SLC12A7: variants seen among roughly 807,000 people sequenced by gnomAD.
SLC12A7 encodes K-Cl cotransporter 4.
A neutral mutation model predicts 120.6 loss-of-function variants in SLC12A7; 100 were observed. The ratio of observed to expected loss-of-function variants is 0.83; its 90% CI spans 0.71 to 0.98. The LOEUF (loss-of-function observed/expected upper bound fraction) is 0.98, where lower values mean the gene tolerates loss of function less well. Among genes scored for constraint, SLC12A7 ranks in the 50% least tolerant of loss-of-function variants. The probability of loss-of-function intolerance (pLI) is 0.00; values close to 1 mark genes in which losing one functional copy is unlikely to be tolerated. For missense variants in SLC12A7, 1,373 were observed against 1,548.1 expected (o/e 0.89, Z 1.90); for synonymous variants, 760 against 678.0 (o/e 1.12, Z -1.88).
chr5:1,109,518 C>T (rs1022825902), intron 1 of SLC12A7, among the ~76,000 whole-genome samples: 2 of 152,222 alleles, frequency 1.3e-5, no homozygotes, highest in African/African-American at 4.8e-5. Context: ...ATCCCCGGGA[C>T]AGGACGCCTC....
the SLC12A7 span, among the ~76,000 whole-genome samples, chr5:1,152,126 C>T: frequency 5.9e-5 from 9 of 152,174 alleles, no homozygotes; most frequent in Non-Finnish European, 8.8e-5. Flanking sequence ...CTCCCCTCCC[C>T]TCTCCTTTGC....
chr5:1,108,876 C>T (rs1232324944), intron 1 of SLC12A7, among the ~76,000 whole-genome samples: 13 of 152,174 alleles, frequency 8.5e-5, no homozygotes, highest in African/African-American at 1.2e-4. Flanking sequence ...ACCACGCAAC[C>T]GGGCCTCTGT....
Position 1,065,376 on chromosome 5 carries a change from C to G in SLC12A7, c.2344G>C (p.Gly782Arg). The part of the protein sequence containing the change: ...DGMSHLIQSA[G>R]LGGLKHNTVL... ...GTGTTGTGCTTCAGGCCGCCCAGGC[C>G]GGCCGACTGGATCAGGTGGGACATG... Residue 782 changes from glycine to arginine, a missense_variant, in exon 18 of 24, where the codon GGC becomes CGC. Gly to Arg is a moderately radical substitution (Grantham distance 125, BLOSUM62 -2). Transcript: ENST00000264930. The G allele has an allele frequency of 1.2e-6, 2 of 1,612,546 alleles. No individual in the cohort carries two copies. The highest frequency in any genetic ancestry group is 1.7e-6 in the Non-Finnish European group (2 of 1,179,588).
At chr5:1,087,828 C>T (rs187149651) in intron 5 of SLC12A7, among the ~76,000 whole-genome samples, 26 of 152,348 alleles carry the variant, frequency 1.7e-4, no homozygotes, top group Non-Finnish European at 2.4e-4. Context: ...TCTCAGTTTA[C>T]TAGTTATTAC....
At chr5:1,110,796 A>G (rs1742938955) in intron 1 of SLC12A7, among the ~76,000 whole-genome samples, 1 of 152,190 alleles carries the variant, frequency 6.6e-6, no homozygotes, top group African/African-American at 2.4e-5. Flanking sequence ...GTGCAGAGGA[A>G]GCTGAGACCA....
Position 1,081,762 on chromosome 5 carries a change from T to C in SLC12A7, c.1130-18A>G. On this transcript the variant is annotated intron_variant, in intron 8 of 23. Coordinates refer to ENST00000264930, the MANE Select transcript of SLC12A7 (RefSeq NM_006598.3). Reference sequence around the variant, plus strand: ...CAGGTTCTCTGCCGGGCAAGGAAGATCCCATGGGTTTCTGGCACCTTCTGT... The same window carrying C: ...CAGGTTCTCTGCCGGGCAAGGAAGACCCCATGGGTTTCTGGCACCTTCTGT... 1 of 1,603,826 alleles carries C rather than the reference T, an allele frequency of 6.2e-7. No individual in the cohort carries two copies. Among genetic ancestry groups the C allele is most frequent in the Non-Finnish European group, 8.5e-7 (1 of 1,173,092 alleles).
chr5:1,148,353 C>T, the SLC12A7 span, among the ~76,000 whole-genome samples: 1 of 151,476 alleles, frequency 6.6e-6, no homozygotes, highest in Non-Finnish European at 1.5e-5. Context: ...ACTACAGGCG[C>T]CCACCACCAC....
rs1216939319 is a variant in SLC12A7 at position 1,076,150 on chromosome 5, T to C, written c.1835A>G (p.Lys612Arg). The stretch of plus-strand genomic sequence containing the variant: ...TGAGTGGCCTCACCAGTGGTAGAAC[T>C]TGAAGCGTGGACGCCAGTTGGGGGT... ...LRTPNWRPRF[K>R]FYHWTLSFLG... The change falls in exon 14 of 24, where the codon AAG becomes AGG. Residue 612 changes from lysine to arginine, a missense_variant. Transcript: ENST00000264930. The C allele has an allele frequency of 1.9e-6, 3 of 1,611,106 alleles. No homozygotes were observed. The highest frequency in any genetic ancestry group is 1.7e-6 in the Non-Finnish European group (2 of 1,179,088).
chr5:1,129,514 C>T, the SLC12A7 span, among the ~76,000 whole-genome samples: 1 of 152,154 alleles, frequency 6.6e-6, no homozygotes, highest in Non-Finnish European at 1.5e-5. Context: ...TCCTGTGACG[C>T]CCAGGACCAG....
At chr5:1,105,959 C>G (rs1742500500) in intron 1 of SLC12A7, among the ~76,000 whole-genome samples, 1 of 152,210 alleles carries the variant, frequency 6.6e-6, no homozygotes. Context: ...CCTGGCGGGC[C>G]TCACACTCCC....
At chr5:1,137,317 C>G in the SLC12A7 span, among the ~76,000 whole-genome samples, 1 of 152,156 alleles carries the variant, frequency 6.6e-6, no homozygotes, top group African/African-American at 2.4e-5. Flanking sequence ...ACCAAGGACT[C>G]CGAAGGACAA....
At chr5:1,150,766 A>G in the SLC12A7 span, among the ~76,000 whole-genome samples, 2 of 152,238 alleles carry the variant, frequency 1.3e-5, no homozygotes, top group African/African-American at 4.8e-5. Context: ...GCCGAGCTCC[A>G]TGAAATATTT....
chr5:1,105,913 C>T (rs1196928555), intron 1 of SLC12A7, among the ~76,000 whole-genome samples: 1 of 152,206 alleles, frequency 6.6e-6, no homozygotes, highest in Non-Finnish European at 1.5e-5. Flanking sequence ...GGTTCCCATG[C>T]CCCACAGTGG....
At chr5:1,136,337 C>G in the SLC12A7 span, among the ~76,000 whole-genome samples, 12 of 152,134 alleles carry the variant, frequency 7.9e-5, no homozygotes, top group Non-Finnish European at 1.8e-4. Context: ...AACACCAGGA[C>G]ACGCAGGCAC....
chr5:1,122,934 C>T, the SLC12A7 span, among the ~76,000 whole-genome samples: 1 of 152,252 alleles, frequency 6.6e-6, no homozygotes, highest in Non-Finnish European at 1.5e-5. Context: ...CACGTGCGCA[C>T]GCACAAGCCC....
At chr5:1,054,952 C>T (rs2150775304) in intron 22 of SLC12A7, among the ~76,000 whole-genome samples, 1 of 152,314 alleles carries the variant, frequency 6.6e-6, no homozygotes, top group South Asian at 2.1e-4. Context: ...GGACAAAGAG[C>T]AGCTCCAGGA....
the SLC12A7 span, among the ~76,000 whole-genome samples, chr5:1,133,279 T>C: frequency 6.6e-6 from 1 of 152,332 alleles, no homozygotes. Flanking sequence ...TGCGCTGGGC[T>C]AATGGCTGGG....
At chr5:1,137,915 G>T in the SLC12A7 span, among the ~76,000 whole-genome samples, 1 of 152,216 alleles carries the variant, frequency 6.6e-6, no homozygotes, top group Non-Finnish European at 1.5e-5. Context: ...CACCCTAAGG[G>T]GGTCCAGTGA....
chr5:1,132,686 C>T, the SLC12A7 span, among the ~76,000 whole-genome samples: 3 of 152,144 alleles, frequency 2.0e-5, no homozygotes, highest in Non-Finnish European at 2.9e-5. Flanking sequence ...TCCTAATGTC[C>T]CCAGAACATC....
Sources: gnomAD v4.1 joint callset for allele counts (sites outside exome capture counted in the v4.1 genomes callset) on GRCh38, gnomAD v4.1.1 for gene constraint, MANE v1.5 for transcripts, NCBI Gene and HGNC (gene_info 2026-07-23, HGNC 2026-07-21) for gene names.